TOP2B: variants seen among roughly 807,000 people sequenced by gnomAD.
TOP2B encodes DNA topoisomerase 2-beta.
In TOP2B, 51 loss-of-function variants were observed where a neutral mutation model predicts 193.5. The ratio of observed to expected loss-of-function variants is 0.26; its 90% confidence interval spans 0.21 to 0.33. The LOEUF (loss-of-function observed/expected upper bound fraction) is 0.33. TOP2B is among the 10% of genes least tolerant of loss of function. The probability of loss-of-function intolerance (pLI) is 1.00; values close to 1 mark genes in which losing one functional copy is unlikely to be tolerated. For missense variants in TOP2B, 1,378 were observed against 1,909.3 expected (o/e 0.72, Z 5.19); for synonymous variants, 634 against 635.7 (o/e 1.00, Z 0.04).
chr3:25,602,579 G>A (rs1029298693), intron 33 of TOP2B, among the ~76,000 whole-genome samples: 2 of 151,200 alleles, frequency 1.3e-5, no homozygotes, highest in African/African-American at 4.9e-5. Flanking sequence ...AAGGCCCCTC[G>A]TTAGCCAAGA....
chr3:25,642,308 TTAAA>T lies in TOP2B; in HGVS notation c.395+10_395+13del, dbSNP rs1559505599. 6.7e-7 allele frequency: 1 copy of T among 1,493,210 alleles called. No homozygotes were observed. The highest frequency in any genetic ancestry group is 2.5e-5 in the East Asian group (1 of 40,468). The allele number at this position is 1,493,210 out of a possible 1,614,324, so 92.5% of individuals were successfully genotyped here. On this transcript the variant is annotated intron_variant, in intron 4 of 35. Transcript: ENST00000264331. ...AAAACTTAGCATAAAAAATTAAACT[TTAAA>T]TATACTTACGGATCAATAGAAACTT...
At chr3:25,648,298 AG>A (rs1703469593) in intron 1 of TOP2B, among the ~76,000 whole-genome samples, 1 of 152,212 alleles carries the variant, frequency 6.6e-6, no homozygotes. Context: ...CAAGTAAAGC[AG>A]ACAAAGACAC....
At chr3:25,643,021 G>A (rs918208332) in intron 3 of TOP2B, among the ~76,000 whole-genome samples, 1 of 152,036 alleles carries the variant, frequency 6.6e-6, no homozygotes, top group Non-Finnish European at 1.5e-5. Context: ...CAAGAGTAAA[G>A]GTATAAAATG....
Position 25,598,457 on chromosome 3 carries a change from A to C in TOP2B, c.4731T>G (p.Phe1577Leu). 1.3e-6 allele frequency: 2 copies of C among 1,591,542 alleles called. No homozygotes were observed. The highest frequency in any genetic ancestry group is 8.5e-7 in the Non-Finnish European group (1 of 1,172,968). Residue 1577 changes from phenylalanine to leucine, a missense_variant, in exon 36 of 36, where the codon TTT becomes TTG. Around this residue, in one of 9 missense-constraint regions of TOP2B, gnomAD observed 556 missense variants for 584.2 expected, o/e 0.95. Transcript: ENST00000264331. ...TTSKKPKKTS[F>L]DQDSDVDIFP... ...AGATGTCCACATCTGAATCCTGATC[A>C]AAAGATGTCTTCTTCGGTTTCTAGA... is the stretch of plus-strand genomic sequence containing the variant.
At chr3:25,633,697 G>C (rs1385818938) in intron 8 of TOP2B, 144 bp downstream of exon 8, 2 of 565,906 alleles carry the variant, frequency 3.5e-6, no homozygotes, top group South Asian at 4.2e-5. Flanking sequence ...ATAGAAAATA[G>C]GTTTTTGTTT....
At chr3:25,632,604 A>G in intron 9 of TOP2B, 21 bp from the exon 10 acceptor site, 1 of 1,599,956 alleles carries the variant, frequency 6.3e-7, no homozygotes, top group African/African-American at 1.4e-5. Flanking sequence ...CATACCCAAA[A>G]AAGTCAATAT....
intron 1 of TOP2B, among the ~76,000 whole-genome samples, chr3:25,655,595 G>A (rs942910416): frequency 6.6e-6 from 1 of 152,074 alleles, no homozygotes; most frequent in East Asian, 1.9e-4. Context: ...TGTTCATCAC[G>A]GTATTATTCA....
At chr3:25,598,652 G>T (rs959766346) in intron 35 of TOP2B, among the ~76,000 whole-genome samples, 175 bp from the exon 36 acceptor site, 1 of 152,060 alleles carries the variant, frequency 6.6e-6, no homozygotes, top group Non-Finnish European at 1.5e-5. Flanking sequence ...TTTTTTGGAG[G>T]AAAAAGATTA....
At chr3:25,622,843 G>T (rs897106696) in intron 21 of TOP2B, among the ~76,000 whole-genome samples, 1 of 152,098 alleles carries the variant, frequency 6.6e-6, no homozygotes, top group Non-Finnish European at 1.5e-5. Context: ...GTTCTACCTG[G>T]TTTGGTCAGG....
At chr3:25,601,335 T>G in intron 33 of TOP2B, 110 bp from the exon 34 acceptor site, 1 of 1,333,394 alleles carries the variant, frequency 7.5e-7, no homozygotes, top group South Asian at 1.5e-5. Flanking sequence ...CTGAGTTGCC[T>G]GGCTGGGCGT....
At chr3:25,624,836 T>C in intron 18 of TOP2B, 33 bp from the exon 19 acceptor site, 1 of 1,598,696 alleles carries the variant, frequency 6.3e-7, no homozygotes, top group East Asian at 2.2e-5. Flanking sequence ...AAAATGTTAC[T>C]TCAAGATATA....
At chr3:25,635,781 AAAT>A (rs1284387653) in intron 7 of TOP2B, among the ~76,000 whole-genome samples, 152 bp downstream of exon 7, 1 of 152,186 alleles carries the variant, frequency 6.6e-6, no homozygotes, top group Non-Finnish European at 1.5e-5. Context: ...TTATTTGAAG[AAAT>A]AATGGCCAAA....
At chr3:25,632,645 T>C (rs1211217627) in intron 9 of TOP2B, 48 bp downstream of exon 9, 8 of 1,599,030 alleles carry the variant, frequency 5.0e-6, no homozygotes, top group Non-Finnish European at 6.8e-6. Flanking sequence ...TCAGTATATA[T>C]ATAATGCATA....
chr3:25,660,770 CAT>C (rs1703886656), intron 1 of TOP2B, among the ~76,000 whole-genome samples: 2 of 152,244 alleles, frequency 1.3e-5, no homozygotes, highest in African/African-American at 2.4e-5. Context: ...TATTTAAATA[CAT>C]AGTCATGTTT....
intron 23 of TOP2B, 110 bp from the exon 24 acceptor site, chr3:25,618,959 T>C: frequency 5.1e-6 from 4 of 785,302 alleles, no homozygotes; most frequent in Non-Finnish European, 7.6e-6. Flanking sequence ...ATAATGCATG[T>C]GTGTGAACAC....
chr3:25,642,584 T>C (rs543620885), intron 3 of TOP2B, among the ~76,000 whole-genome samples, 199 bp from the exon 4 acceptor site: 1 of 152,118 alleles, frequency 6.6e-6, no homozygotes, highest in Non-Finnish European at 1.5e-5. Flanking sequence ...CAAATTACTG[T>C]TATGTTTTCC....
chr3:25,630,932 T>C lies in TOP2B; in HGVS notation c.1274A>G (p.Asn425Ser), dbSNP rs776858356. 22 of 1,582,650 alleles carry C rather than the reference T, an allele frequency of 1.4e-5. No individual in the cohort carries two copies. Among genetic ancestry groups the C allele is most frequent in the South Asian group, 2.3e-5 (2 of 85,278 alleles). ...CAGGATACTTTCTACAATGCCACAA[T>C]TAGAGGCCTAAAAATAAAAGAATAA... The part of the protein sequence containing the change: ...LSEKFFKAAS[N>S]CGIVESILNW... Residue 425 changes from asparagine (N) to serine (S), a missense_variant, in exon 11 of 36, where the codon AAT (asparagine) becomes AGT (serine). Asn to Ser is a conservative substitution (Grantham distance 46). Transcript: ENST00000264331.
chr3:25,633,542 G>A (rs568640483), intron 8 of TOP2B, among the ~76,000 whole-genome samples: 43 of 152,220 alleles, frequency 2.8e-4, no homozygotes, highest in Admixed American at 1.8e-3. Flanking sequence ...CTCCCCAGAG[G>A]TTGGGGAAGG....
intron 2 of TOP2B, among the ~76,000 whole-genome samples, chr3:25,644,702 G>A (rs995916479): frequency 6.6e-6 from 1 of 151,520 alleles, no homozygotes; most frequent in African/African-American, 2.4e-5. Flanking sequence ...CACGGGGTGG[G>A]GGGGCATCAG....
Sources: gnomAD v4.1 joint callset for allele counts (sites outside exome capture counted in the v4.1 genomes callset) on GRCh38, gnomAD v4.1.1 for gene constraint, gnomAD v4.1.1 regional missense constraint, MANE v1.5 for transcripts, NCBI Gene and HGNC (gene_info 2026-07-23, HGNC 2026-07-21) for gene names.